CPSF4: variants seen among roughly 807,000 people sequenced by gnomAD.
CPSF4 encodes cleavage and polyadenylation specific factor 4, also known as cleavage and polyadenylation specificity factor subunit 4.
CPSF4 carries 11 observed loss-of-function variants against 37.7 expected under a neutral mutation model. That is an observed-to-expected ratio of 0.29 (90% CI 0.18 to 0.48). CPSF4 has a LOEUF of 0.48. CPSF4 is among the 20% of genes least tolerant of loss of function. The pLI, the probability that CPSF4 is intolerant of heterozygous loss-of-function variation, is 0.99. For missense variants in CPSF4, 144 were observed against 359.5 expected (o/e 0.40, Z 4.85); for synonymous variants, 132 against 135.9 (o/e 0.97, Z 0.20).
Position 99,448,015 on chromosome 7 carries a change from G to T in CPSF4, c.155-106G>T, listed in dbSNP as rs1451092119. On this transcript the variant is annotated intron_variant, in intron 2 of 7. Transcript: ENST00000292476. This position sits in a 1 kb window ranked among gnomAD's most constrained non-coding sequence, Gnocchi z 4.4. ...CCTTTCCAGGACGTGATGCCTTCAG[G>T]TGGCTCCAGGAGTTAGGAAGTGAAG... 2 of 1,136,178 alleles carry T rather than the reference G, an allele frequency of 1.8e-6. No homozygotes were observed. The allele number at this position is 1,136,178 out of a possible 1,614,324, so 70.4% of individuals were successfully genotyped here. A position where few individuals can be genotyped will look rare whatever the true frequency, so the allele number is the denominator to read the frequency against.
chr7:99,439,063 G>C lies in CPSF4; in HGVS notation c.-20G>C. The C allele has an allele frequency of 6.3e-7, 1 of 1,599,962 alleles. No homozygotes were observed. On this transcript the variant is annotated 5_prime_UTR_variant, in exon 1 of 8. Coordinates refer to ENST00000292476, the MANE Select transcript of CPSF4 (RefSeq NM_006693.4). ...AGGAGACCGAGGGGGAGCCGGGCCGGTGGGGCCGCCGCCGCCGCCATGCAG... is the reference window on the plus strand; with the variant it reads ...AGGAGACCGAGGGGGAGCCGGGCCGCTGGGGCCGCCGCCGCCGCCATGCAG...
chr7:99,446,771 CTTTTTTTTTTTTTTTTTTTTTT>C (rs762892785), intron 2 of CPSF4, among the ~76,000 whole-genome samples: 1 of 29,134 alleles, frequency 3.4e-5, no homozygotes, highest in African/African-American at 2.3e-4. Context: ...CCATACCCAG[CTTTTTTTTTTTTTTTTTTTTTT>C]TTTTTTTTTT....
At chr7:99,454,598 C>A (rs1410236683) in intron 7 of CPSF4, among the ~76,000 whole-genome samples, 1 of 152,118 alleles carries the variant, frequency 6.6e-6, no homozygotes, top group African/African-American at 2.4e-5. Context: ...TTCAAGAAAC[C>A]TCCTCGAAAA....
rs1221200289 is a variant in CPSF4 at position 99,452,453 on chromosome 7, G to A, written c.570+13G>A. 5 of 1,611,676 alleles carry A rather than the reference G, an allele frequency of 3.1e-6. No homozygotes were observed. The Admixed American group carries it at 5.0e-5, about 16-fold the overall frequency. On this transcript the variant is annotated intron_variant, in intron 6 of 7. Transcript: ENST00000292476. ...GCCTCCAGCAAAGGTACCGTGCCTG[G>A]CCTTCCTCGGTAGGAAGGAAGTGCC...
At position 99,448,352 on chromosome 7, in the gene CPSF4, G is replaced by C; in HGVS notation, c.307+79G>C. The stretch of plus-strand genomic sequence containing the variant: ...CCGCTGGCTGCTCAGTGCCCACACT[G>C]TCTCTGCCTGCTTTTCCCATCTTTC... On this transcript the variant is annotated intron_variant, in intron 3 of 7. Coordinates refer to ENST00000292476, the MANE Select transcript of CPSF4 (RefSeq NM_006693.4). This position sits in a 1 kb window ranked among gnomAD's most constrained non-coding sequence, Gnocchi z 4.4. 7.0e-7 allele frequency: 1 copy of C among 1,436,358 alleles called. No individual in the cohort carries two copies. Among genetic ancestry groups the C allele is most frequent in the South Asian group, 1.3e-5 (1 of 76,380 alleles). 89.0% of individuals were successfully genotyped at this position (1,436,358 alleles called of 1,614,324 possible).
At chr7:99,449,628 T>C (rs956085665) in intron 3 of CPSF4, among the ~76,000 whole-genome samples, 1 of 152,248 alleles carries the variant, frequency 6.6e-6, no homozygotes, top group Non-Finnish European at 1.5e-5. Context: ...GTCCTTGCCC[T>C]GTGAAGCCTT....
chr7:99,440,672 A>ATT (rs1406517833), intron 1 of CPSF4, among the ~76,000 whole-genome samples: 2 of 81,978 alleles, frequency 2.4e-5, no homozygotes, highest in Non-Finnish European at 3.8e-5. Flanking sequence ...ATATATATAT[A>ATT]TATTTTTTTT....
rs1562864382 is a variant in CPSF4, at chr7:99,452,430, C to CT, written c.561dup (p.Pro188SerfsTer6). 1 of 1,614,010 alleles carries CT rather than the reference C, an allele frequency of 6.2e-7. No homozygotes were observed. Among genetic ancestry groups the CT allele is most frequent in the Non-Finnish European group, 8.5e-7 (1 of 1,179,946 alleles). On this transcript the variant is annotated frameshift_variant, in exon 6 of 8. Transcript: ENST00000292476. LOFTEE classifies it high-confidence loss of function. Reference sequence around the variant, plus strand: ...CCCCCACTGCCGCAGCAGACACAGCCTCCAGCAAAGGTACCGTGCCTGGCC... The same window carrying CT: ...CCCCCACTGCCGCAGCAGACACAGCCTTCCAGCAAAGGTACCGTGCCTGGCC...
rs1021578835 is a variant in CPSF4 at position 99,448,038 on chromosome 7, A to T, written c.155-83A>T. The T allele has an allele frequency of 8.4e-6, 12 of 1,433,000 alleles. No homozygotes were observed. The highest frequency in any genetic ancestry group is 1.2e-5 in the Non-Finnish European group (12 of 1,037,958). The allele number at this position is 1,433,000 out of a possible 1,614,324, so 88.8% of individuals were successfully genotyped here. ...AGGTGGCTCCAGGAGTTAGGAAGTG[A>T]AGGTACCTCAGCTTCTTCAGGCCGT... On this transcript the variant is annotated intron_variant, in intron 2 of 7. Coordinates refer to ENST00000292476, the MANE Select transcript of CPSF4 (RefSeq NM_006693.4). The surrounding 1 kb of genome is among the most constrained non-coding windows in gnomAD (Gnocchi z 4.4).
Position 99,448,604 on chromosome 7 carries a change from G to A in CPSF4, c.307+331G>A, listed in dbSNP as rs191391739. The A allele has an allele frequency of 5.1e-4, 116 of 228,674 alleles. 1 individual carries two copies. Among genetic ancestry groups the A allele is most frequent in the Admixed American group, 4.6e-3 (87 of 18,962 alleles). The allele number at this position is 228,674 out of a possible 1,614,324, so 14.2% of individuals were successfully genotyped here. On this transcript the variant is annotated intron_variant, in intron 3 of 7. Coordinates refer to ENST00000292476, the MANE Select transcript of CPSF4 (RefSeq NM_006693.4). The surrounding 1 kb of genome is among the most constrained non-coding windows in gnomAD (Gnocchi z 4.4). ...CGTGAGCCACCACGCCTGGCCCCGC[G>A]CATCACTTTGGAGTGCTTCAGTGTT...
intron 1 of CPSF4, among the ~76,000 whole-genome samples, chr7:99,442,667 A>AAAAC (rs1554363472): frequency 1.3e-5 from 2 of 151,218 alleles, no homozygotes; most frequent in Admixed American, 1.3e-4. Flanking sequence ...AAAAAAAAAA[A>AAAAC]AAAAAAAACA....
At position 99,447,541 on chromosome 7, in the gene CPSF4, C is replaced by T. The variant is rs188466657; in HGVS notation, c.155-580C>T. On this transcript the variant is annotated intron_variant, in intron 2 of 7. Transcript: ENST00000292476. ...CACCTCAGCCTCCCAGCACCTCCCC[C>T]CTTTTAATTCCTCCATCTTACAGTA... 4.1e-3 allele frequency among the ~76,000 whole-genome samples: 615 copies of T among 151,702 alleles called. 5 individuals are homozygous for T. The highest frequency in any genetic ancestry group is 0.014 in the African/African-American group (596 of 41,348).
chr7:99,445,426 A>AG, intron 2 of CPSF4, among the ~76,000 whole-genome samples: 1 of 151,712 alleles, frequency 6.6e-6, no homozygotes, highest in Non-Finnish European at 1.5e-5. Context: ...AAAAAAAAAA[A>AG]TCTTGCTTTA....
chr7:99,456,248 A>T, intron 7 of CPSF4, 184 bp from the exon 8 acceptor site: 4 of 627,972 alleles, frequency 6.4e-6, no homozygotes, highest in Non-Finnish European at 1.1e-5. Flanking sequence ...TGCACTTTCC[A>T]TCCTGAGCTC....
chr7:99,440,674 A>ATATATATTTTTTTTT, intron 1 of CPSF4, among the ~76,000 whole-genome samples: 1 of 88,130 alleles, frequency 1.1e-5, no homozygotes, highest in African/African-American at 9.7e-5. Flanking sequence ...ATATATATAT[A>ATATATATTTTTTTTT]TTTTTTTTTT....
At chr7:99,443,549 CG>C in intron 1 of CPSF4, 2 of 615,968 alleles carry the variant, frequency 3.2e-6, no homozygotes, top group Admixed American at 2.4e-5. Context: ...GGGTGGGGTG[CG>C]GTGGCTCAAT....
intron 6 of CPSF4, chr7:99,452,806 T>C: frequency 4.7e-6 from 1 of 213,204 alleles, no homozygotes; most frequent in East Asian, 1.2e-4. Flanking sequence ...TCAGACCCTT[T>C]ATTTTGCAAA....
At chr7:99,451,736 T>G (rs949198421) in intron 5 of CPSF4, among the ~76,000 whole-genome samples, 13 of 152,248 alleles carry the variant, frequency 8.5e-5, no homozygotes, top group African/African-American at 3.1e-4. Flanking sequence ...CATCTGTCAC[T>G]TTGGTTGTGG....
At chr7:99,447,259 C>CTTTT (rs886779022) in intron 2 of CPSF4, among the ~76,000 whole-genome samples, 1 of 105,200 alleles carries the variant, frequency 9.5e-6, no homozygotes, top group African/African-American at 6.6e-5. Context: ...AAGTTCCTTT[C>CTTTT]TTTTTTTTTT....
Sources: gnomAD v4.1 joint callset for allele counts (sites outside exome capture counted in the v4.1 genomes callset) on GRCh38, gnomAD v4.1.1 for gene constraint, Gnocchi (gnomAD v3.1) non-coding constraint, MANE v1.5 for transcripts, NCBI Gene and HGNC (gene_info 2026-07-23, HGNC 2026-07-21) for gene names.